The following LPAR1 variants were observed in gnomAD, a reference collection of about 807,000 sequenced individuals.
LPAR1 encodes LPA receptor 1.
In LPAR1, 5 loss-of-function variants were observed where a neutral mutation model predicts 23.8. The observed-to-expected ratio is 0.21, with a 90% CI of 0.11 to 0.44. The LOEUF (loss-of-function observed/expected upper bound fraction) is 0.44. Among genes scored for constraint, LPAR1 ranks in the 20% least tolerant of loss-of-function variants. LPAR1 has a pLI of 0.99. For missense variants in LPAR1, 311 were observed against 482.8 expected, an observed-to-expected ratio of 0.64 and a Z score of 3.33; for synonymous variants, 160 against 164.7, an observed-to-expected ratio of 0.97 and a Z score of 0.22.
intron 5 of LPAR1, among the ~76,000 whole-genome samples, chr9:110,908,213 T>C (rs1023697941): frequency 9.9e-5 from 15 of 151,212 alleles, no homozygotes; most frequent in Non-Finnish European, 1.8e-4. Flanking sequence ...TGTTTATAAA[T>C]AGTAAGCAAT....
chr9:110,900,558 A>G (rs994503451), intron 5 of LPAR1, among the ~76,000 whole-genome samples: 2 of 152,170 alleles, frequency 1.3e-5, no homozygotes, highest in Non-Finnish European at 2.9e-5. Flanking sequence ...ATTTCATAGC[A>G]TTTCTAGTCA....
intron 5 of LPAR1, among the ~76,000 whole-genome samples, chr9:110,892,645 C>T (rs897903446): frequency 7.6e-6 from 1 of 131,088 alleles, no homozygotes; most frequent in South Asian, 2.4e-4. Context: ...GCCTGGTTGA[C>T]AGAGTGAGAA....
Position 110,967,821 on chromosome 9 carries a change from T to C in LPAR1, c.45+4252A>G, listed in dbSNP as rs562717307. On this transcript the variant is annotated intron_variant, in intron 4 of 5. Coordinates refer to ENST00000683809, the MANE Select transcript of LPAR1 (RefSeq NM_001351411.2). ...CACTGTACAAATTACATGTGAGGAA[T>C]TGACATATAATTAGGAGGCCCATCA... 8.5e-5 allele frequency among the ~76,000 whole-genome samples: 13 copies of C among 152,274 alleles called. No homozygotes were observed. In the East Asian group the frequency reaches 1.7e-3, roughly 20 times the overall value.
At chr9:110,998,739 A>G (rs1329845799) in intron 2 of LPAR1, among the ~76,000 whole-genome samples, 2 of 152,328 alleles carry the variant, frequency 1.3e-5, no homozygotes, top group East Asian at 1.9e-4. Context: ...GACAAAGTCA[A>G]TAGCAAGTTC....
At chr9:110,990,885 G>T (rs28831416) in intron 2 of LPAR1, among the ~76,000 whole-genome samples, 2,024 of 152,142 alleles carry the variant, frequency 0.013, 39 homozygotes, top group African/African-American at 0.046. Flanking sequence ...TGAAAGAGGG[G>T]TCATTACTAT....
chr9:110,961,135 C>A (rs1242441160), intron 4 of LPAR1, among the ~76,000 whole-genome samples: 1 of 150,352 alleles, frequency 6.7e-6, no homozygotes, highest in African/African-American at 2.5e-5. Flanking sequence ...TAAGAGACAG[C>A]AATAAACTTA....
At chr9:111,005,575 A>AAAAAAAAAAAAAG (rs1564316925) in intron 2 of LPAR1, among the ~76,000 whole-genome samples, 105 of 131,452 alleles carry the variant, frequency 8.0e-4, no homozygotes, top group African/African-American at 3.3e-3. Flanking sequence ...AAAAAAAAAA[A>AAAAAAAAAAAAAG]AAGAAGAATT....
chr9:111,024,394 TAC>T (rs1452277178), intron 2 of LPAR1, among the ~76,000 whole-genome samples: 17 of 147,918 alleles, frequency 1.1e-4, no homozygotes, highest in South Asian at 4.2e-4. Context: ...TTTATATATA[TAC>T]ACACACACAT....
intron 5 of LPAR1, among the ~76,000 whole-genome samples, chr9:110,936,503 T>C (rs3780524): frequency 0.17 from 26,388 of 152,102 alleles, 3,091 homozygotes; most frequent in East Asian, 0.6. Context: ...TTAGACAAGT[T>C]ACTTAACCTA....
intron 2 of LPAR1, among the ~76,000 whole-genome samples, chr9:110,979,917 G>A (rs1276012584): frequency 6.6e-6 from 1 of 152,002 alleles, no homozygotes; most frequent in Non-Finnish European, 1.5e-5. Flanking sequence ...GAGGAGATTT[G>A]GATAACCAAG....
intron 5 of LPAR1, among the ~76,000 whole-genome samples, chr9:110,920,248 A>AT (rs2093530687): frequency 6.6e-6 from 1 of 152,182 alleles, no homozygotes; most frequent in Admixed American, 6.5e-5. Flanking sequence ...AAAGTAGAGA[A>AT]TGGGGGGAAG....
chr9:110,911,931 G>A (rs2092494913), intron 5 of LPAR1, among the ~76,000 whole-genome samples: 1 of 152,148 alleles, frequency 6.6e-6, no homozygotes, highest in South Asian at 2.1e-4. Flanking sequence ...ATACAGAAAA[G>A]GGCTGGGTGA....
intron 2 of LPAR1, among the ~76,000 whole-genome samples, chr9:111,006,578 A>T (rs2097221374): frequency 6.6e-6 from 1 of 152,194 alleles, no homozygotes; most frequent in Non-Finnish European, 1.5e-5. Flanking sequence ...ACACAAAAAA[A>T]ATCCCAAATA....
intron 5 of LPAR1, among the ~76,000 whole-genome samples, chr9:110,907,426 G>T (rs1412111963): frequency 6.6e-6 from 1 of 152,034 alleles, no homozygotes; most frequent in Non-Finnish European, 1.5e-5. Context: ...TAAACTATAA[G>T]AATAAAGACA....
chr9:110,924,892 T>C (rs2093898075), intron 5 of LPAR1, among the ~76,000 whole-genome samples: 1 of 152,182 alleles, frequency 6.6e-6, no homozygotes, highest in Admixed American at 6.5e-5. Context: ...TATGGTACTT[T>C]TGTCACCTTT....
At chr9:111,032,231 T>C (rs911772245) in intron 2 of LPAR1, among the ~76,000 whole-genome samples, 19 of 152,182 alleles carry the variant, frequency 1.2e-4, no homozygotes, top group African/African-American at 3.9e-4. Context: ...AAACTGGAGA[T>C]AGAAAGCCTC....
chr9:111,009,378 A>T (rs946269897), intron 2 of LPAR1, among the ~76,000 whole-genome samples: 9 of 152,140 alleles, frequency 5.9e-5, no homozygotes, highest in African/African-American at 2.2e-4. Context: ...AGATTTAAAA[A>T]AAAAAATTCA....
chr9:111,034,094 T>C (rs566049306), intron 2 of LPAR1, among the ~76,000 whole-genome samples: 1 of 152,310 alleles, frequency 6.6e-6, no homozygotes, highest in African/African-American at 2.4e-5. Flanking sequence ...TTAAAATATA[T>C]AGAAAGCAAG....
At chr9:110,993,073 T>A (rs1365511252) in intron 2 of LPAR1, among the ~76,000 whole-genome samples, 1 of 152,194 alleles carries the variant, frequency 6.6e-6, no homozygotes, top group Non-Finnish European at 1.5e-5. Context: ...AAGAACATTC[T>A]CCTTAAATGG....
Sources: gnomAD v4.1 joint callset for allele counts (sites outside exome capture counted in the v4.1 genomes callset) on GRCh38, gnomAD v4.1.1 for gene constraint, MANE v1.5 for transcripts, NCBI Gene and HGNC (gene_info 2026-07-23, HGNC 2026-07-21) for gene names.